Variants in USP42 observed in about 807,000 individuals in gnomAD.
USP42 encodes ubiquitin carboxyl-terminal hydrolase 42.
USP42 carries 23 observed loss-of-function variants against 113.0 expected under a neutral mutation model. The observed-to-expected ratio is 0.20, with a 90% confidence interval of 0.15 to 0.29. The LOEUF is 0.29. Among genes scored for constraint, USP42 ranks in the 10% least tolerant of loss-of-function variants. The pLI is 1.00. For synonymous variants in USP42, 933 were observed against 699.0 expected (o/e 1.33, Z -5.28); for missense variants, 2,174 against 1,779.8 (o/e 1.22, Z -3.99).
In USP42 at chr7:6,146,210, G is replaced by A. The variant is rs747327964; in HGVS notation, c.1194G>A (p.Ser398=). The A allele has an allele frequency of 5.0e-6, 8 of 1,602,784 alleles. No individual in the cohort carries two copies. The highest frequency in any genetic ancestry group is 1.1e-5 in the South Asian group (1 of 88,092). The change falls in exon 11 of 18, where the codon TCG becomes TCA. Residue 398 remains serine (S), a synonymous_variant. Transcript: ENST00000306177. Reference sequence around the variant, plus strand: ...TTGTATCTACCAGTGATATTAGATCGGTACTCAGCCAACAAGCCTATGTGC... The same window carrying A: ...TTGTATCTACCAGTGATATTAGATCAGTACTCAGCCAACAAGCCTATGTGC... The part of the protein sequence containing the change: ...DSIVSTSDIR[S]VLSQQAYVLF...
intron 3 of USP42, among the ~76,000 whole-genome samples, chr7:6,123,957 A>G (rs953913915): frequency 1.4e-4 from 21 of 151,412 alleles, no homozygotes; most frequent in African/African-American, 4.9e-4. Context: ...CTCACTGGAA[A>G]CTCTGCCTCC....
chr7:6,091,571 G>A, the USP42 span, among the ~76,000 whole-genome samples: 38 of 149,632 alleles, frequency 2.5e-4, no homozygotes, highest in African/African-American at 8.8e-4. Flanking sequence ...ACTATAATTG[G>A]GTTTCTATTG....
chr7:6,154,378 A>C lies in USP42; in HGVS notation c.2824A>C (p.Ile942Leu). 1 of 1,576,714 alleles carries C rather than the reference A, an allele frequency of 6.3e-7. No individual in the cohort carries two copies. Among genetic ancestry groups the C allele is most frequent in the Non-Finnish European group, 8.6e-7 (1 of 1,163,000 alleles). The part of the protein sequence containing the change: ...APGPSPAKEK[I>L]GSLRKVDRGH... ...AGGCCCTTCCCCAGCGAAGGAGAAA[A>C]TCGGCAGCCTCAGAAAGGTGGACCG... Residue 942 changes from isoleucine to leucine, a missense_variant, in exon 15 of 18, where the codon ATC (isoleucine) becomes CTC (leucine). Physicochemically the swap from Ile to Leu is conservative, Grantham distance 5. Coordinates refer to ENST00000306177, the MANE Select transcript of USP42 (RefSeq NM_032172.3).
At chr7:6,142,745 G>C (rs934141353) in intron 7 of USP42, among the ~76,000 whole-genome samples, 187 bp from the exon 8 acceptor site, 1 of 152,008 alleles carries the variant, frequency 6.6e-6, no homozygotes, top group Non-Finnish European at 1.5e-5. Flanking sequence ...ATTTAGCTGG[G>C]CATGGTGGCC....
In USP42 at chr7:6,147,777, C is replaced by A. The variant is rs746201590; in HGVS notation, c.1271C>A (p.Pro424His). ...DVKNGGELTH[P>H]THSPGQSSPR... ...AAAAATGGAGGTGAACTTACTCATCCCACCCATAGCCCCGGCCAGTCCTCT... is the reference window on the plus strand; with the variant it reads ...AAAAATGGAGGTGAACTTACTCATCACACCCATAGCCCCGGCCAGTCCTCT... Residue 424 changes from proline (P) to histidine (H), a missense_variant, in exon 12 of 18, where the codon CCC (proline) becomes CAC (histidine). Physicochemically the swap from Pro to His is moderately conservative, Grantham distance 77. Transcript: ENST00000306177. 1 of 1,600,518 alleles carries A rather than the reference C, an allele frequency of 6.2e-7. No individual in the cohort carries two copies. Among genetic ancestry groups the A allele is most frequent in the Admixed American group, 1.7e-5 (1 of 58,804 alleles).
rs753295973 is a variant in USP42, at chr7:6,154,572, C to A, written c.3018C>A (p.Leu1006=). The A allele has an allele frequency of 6.4e-7, 1 of 1,559,130 alleles. No homozygotes were observed. Among genetic ancestry groups the A allele is most frequent in the Non-Finnish European group, 8.7e-7 (1 of 1,154,350 alleles). The change falls in exon 15 of 18, where the codon CTC becomes CTA. Residue 1006 remains leucine (L), a synonymous_variant. Coordinates refer to ENST00000306177, the MANE Select transcript of USP42 (RefSeq NM_032172.3). ...ACCACCCCGGCCACGGCGACAGGCT[C>A]AGCCCTGGCGAGCGCCGCTCTCTGG... ...PEHHPGHGDR[L]SPGERRSLGR...
chr7:6,101,768 A>C (rs1261983411), upstream of USP42, among the ~76,000 whole-genome samples: 1 of 151,072 alleles, frequency 6.6e-6, no homozygotes, highest in Non-Finnish European at 1.5e-5. Flanking sequence ...GACAACGCCA[A>C]GAGATGATTT....
chr7:6,119,673 T>C (rs1780102355), intron 3 of USP42, among the ~76,000 whole-genome samples: 1 of 151,624 alleles, frequency 6.6e-6, no homozygotes, highest in Non-Finnish European at 1.5e-5. Context: ...GGTATACCTA[T>C]TCATTTAGGC....
intron 3 of USP42, among the ~76,000 whole-genome samples, chr7:6,119,030 C>T (rs184837300): frequency 1.9e-4 from 28 of 150,052 alleles, no homozygotes; most frequent in Admixed American, 8.7e-4. Flanking sequence ...GCCTGGGCAA[C>T]ATGTCAAGAC....
chr7:6,150,512 G>GT lies in USP42; in HGVS notation c.2201+7dup, dbSNP rs1028783887. The stretch of plus-strand genomic sequence containing the variant: ...GGCTCGACGGATGAAATGAGGTAAC[G>GT]TAAGAGTACATCTGAGGCACGTGTG... On this transcript the variant is annotated splice_region_variant and intron_variant, in intron 14 of 17. Transcript: ENST00000306177. The GT allele has an allele frequency of 2.5e-6, 4 of 1,613,506 alleles. No individual in the cohort carries two copies. The highest frequency in any genetic ancestry group is 1.3e-5 in the African/African-American group (1 of 75,048).
chr7:6,154,248 G>T lies in USP42; in HGVS notation c.2694G>T (p.Arg898=). 6.2e-7 allele frequency: 1 copy of T among 1,604,078 alleles called. No homozygotes were observed. Among genetic ancestry groups the T allele is most frequent in the East Asian group, 2.2e-5 (1 of 44,582 alleles). ...TGGGCGCACCCGAGGCCGCAGAGCG[G>T]CCGCCAGCTCCTGTGCTGGACATGG... is the stretch of plus-strand genomic sequence containing the variant. ...QSLGAPEAAE[R]PPAPVLDMAP... is the part of the protein sequence containing the mutation. Residue 898 remains arginine (R), a synonymous_variant, in exon 15 of 18, where the codon CGG becomes CGT. Transcript: ENST00000306177.
intron 3 of USP42, among the ~76,000 whole-genome samples, chr7:6,134,011 C>T (rs1330085412): frequency 6.6e-6 from 1 of 151,948 alleles, no homozygotes; most frequent in African/African-American, 2.4e-5. Flanking sequence ...TTGCCTCAGC[C>T]TCCCGAGTAG....
chr7:6,119,821 A>G (rs1780114044), intron 3 of USP42, among the ~76,000 whole-genome samples: 1 of 152,090 alleles, frequency 6.6e-6, no homozygotes, highest in Non-Finnish European at 1.5e-5. Flanking sequence ...CCCTTGCCTC[A>G]GCCTCATGAA....
chr7:6,092,691 A>C, the USP42 span, among the ~76,000 whole-genome samples: 1 of 151,126 alleles, frequency 6.6e-6, no homozygotes, highest in Admixed American at 6.6e-5. Context: ...CTTAATTCTA[A>C]ATTAATATTT....
intron 10 of USP42, among the ~76,000 whole-genome samples, chr7:6,145,899 G>A (rs928692067): frequency 2.0e-5 from 3 of 152,010 alleles, no homozygotes; most frequent in South Asian, 4.2e-4. Context: ...GTGAAACCCC[G>A]CCTCTATTAA....
At chr7:6,147,334 A>G (rs992544601) in intron 11 of USP42, among the ~76,000 whole-genome samples, 19 of 152,206 alleles carry the variant, frequency 1.2e-4, no homozygotes, top group Non-Finnish European at 2.9e-5. Flanking sequence ...GTGGTGGTGC[A>G]TGTCTGTGGT....
chr7:6,099,962 C>CA (rs78427438), upstream of USP42, among the ~76,000 whole-genome samples: 288 of 134,600 alleles, frequency 2.1e-3, 2 homozygotes, highest in Middle Eastern at 3.7e-3. Context: ...GACTCCCTCT[C>CA]AAAAAAAAAA....
At chr7:6,116,703 A>G in intron 3 of USP42, 1 of 489,276 alleles carries the variant, frequency 2.0e-6, no homozygotes, top group Non-Finnish European at 4.0e-6. Context: ...AAGAAACCAA[A>G]GAAAAATCAC....
Position 6,160,608 on chromosome 7 carries a change from G to C in USP42, c.*90G>C, listed in dbSNP as rs1314942965. 1 of 152,654 alleles carries C rather than the reference G, an allele frequency of 6.6e-6. No individual in the cohort carries two copies. Among genetic ancestry groups the C allele is most frequent in the African/African-American group, 2.4e-5 (1 of 41,448 alleles). 9.5% of individuals were successfully genotyped at this position (152,654 alleles called of 1,614,324 possible). A position where few individuals can be genotyped will look rare whatever the true frequency, so the allele number is the denominator to read the frequency against. On this transcript the variant is annotated 3_prime_UTR_variant, in exon 18 of 18. Transcript: ENST00000306177. ...CAGCCCAGCTTAAATTATAAAGATA[G>C]ACAATAACTCTGTTCCAATCTGCGT...
Sources: gnomAD v4.1 joint callset for allele counts (sites outside exome capture counted in the v4.1 genomes callset) on GRCh38, gnomAD v4.1.1 for gene constraint, MANE v1.5 for transcripts, NCBI Gene and HGNC (gene_info 2026-07-23, HGNC 2026-07-21) for gene names.